GABPB1: variants seen among roughly 807,000 people sequenced by gnomAD.
The protein encoded by GABPB1 is GA-binding protein subunit beta-1.
Under a neutral mutation model 45.9 loss-of-function variants are expected in GABPB1, and 15 were observed. The observed-to-expected ratio is 0.33, with a 90% CI of 0.22 to 0.50. The LOEUF is 0.50. Among genes scored for constraint, GABPB1 ranks in the 20% least tolerant of loss-of-function variants. GABPB1 has a pLI of 0.98. For missense variants in GABPB1, 252 were observed against 457.5 expected, an observed-to-expected ratio of 0.55 and a Z score of 4.10; for synonymous variants, 143 against 154.4, an observed-to-expected ratio of 0.93 and a Z score of 0.55.
rs1339327948 is a variant in GABPB1, at chr15:50,309,759, C to A, written c.40G>T (p.Ala14Ser). ...ACTTCATCATCTTGACCTGCTCGTG[C>A]CGCTTCTAAAAGCTTCTTTCCCAAA... ...VDLGKKLLEA[A>S]RAGQDDEVRI... Residue 14 changes from alanine to serine, a missense_variant, in exon 2 of 9, where the codon GCA becomes TCA. Physicochemically the swap from Ala to Ser is moderately conservative, Grantham distance 99 (BLOSUM62 1). Transcript: ENST00000380877. 1 of 1,613,354 alleles carries A rather than the reference C, an allele frequency of 6.2e-7. No homozygotes were observed. The highest frequency in any genetic ancestry group is 1.3e-5 in the African/African-American group (1 of 74,904).
intron 1 of GABPB1, among the ~76,000 whole-genome samples, chr15:50,313,205 T>C (rs1419472104): frequency 6.6e-6 from 1 of 152,108 alleles, no homozygotes; most frequent in Non-Finnish European, 1.5e-5. Context: ...AACACATCAA[T>C]AGTTAAAAGA....
chr15:50,294,764 G>T (rs2046456615), intron 6 of GABPB1, among the ~76,000 whole-genome samples: 1 of 152,098 alleles, frequency 6.6e-6, no homozygotes, highest in South Asian at 2.1e-4. Flanking sequence ...GGGAGAAAAA[G>T]AAGGAACTTT....
At chr15:50,352,800 AAAC>A (rs1456810401) in intron 1 of GABPB1, 1 of 152,244 alleles carries the variant, frequency 6.6e-6, no homozygotes, top group Non-Finnish European at 1.5e-5. Flanking sequence ...CAGTTCACAG[AAAC>A]AACTGGAAAC....
At chr15:50,307,341 T>C (rs1415228565) in intron 2 of GABPB1, among the ~76,000 whole-genome samples, 1 of 152,220 alleles carries the variant, frequency 6.6e-6, no homozygotes, top group Admixed American at 6.5e-5. Context: ...TTGATCAAAC[T>C]TTCTCCTTGG....
At position 50,320,051 on chromosome 15, in the gene GABPB1, AG is replaced by A. The variant is rs545172066; in HGVS notation, c.1-10254del. On this transcript the variant is annotated intron_variant, in intron 1 of 8. Transcript: ENST00000380877. Reference sequence around the variant, plus strand: ...CTTCTTTTTAAACAAAAACACACAAAGGGGTCAGGCGGGTGGGCAAAAATAA... The same window carrying A: ...CTTCTTTTTAAACAAAAACACACAAAGGGTCAGGCGGGTGGGCAAAAATAA... Among the ~76,000 whole-genome samples the A allele has an allele frequency of 4.6e-4, 70 of 152,316 alleles. 1 individual carries two copies. The South Asian group carries it at 7.2e-3, about 16-fold the overall frequency.
intron 1 of GABPB1, among the ~76,000 whole-genome samples, chr15:50,322,099 G>A (rs1379134361): frequency 6.6e-6 from 1 of 152,062 alleles, no homozygotes; most frequent in African/African-American, 2.4e-5. Flanking sequence ...TCTTGGACCT[G>A]CCCAGTTAGC....
chr15:50,340,524 C>A (rs1444465777), intron 1 of GABPB1, among the ~76,000 whole-genome samples: 2 of 137,638 alleles, frequency 1.5e-5, no homozygotes, highest in Non-Finnish European at 3.0e-5. Flanking sequence ...TCATGAGTAT[C>A]CTTCCAGTAT....
chr15:50,312,697 T>C, intron 1 of GABPB1, among the ~76,000 whole-genome samples: 1 of 152,320 alleles, frequency 6.6e-6, no homozygotes, highest in East Asian at 1.9e-4. Flanking sequence ...TACGATGAAA[T>C]TTATCTTTCC....
intron 1 of GABPB1, among the ~76,000 whole-genome samples, chr15:50,335,914 A>AG (rs1406696455): frequency 1.7e-3 from 244 of 146,640 alleles, no homozygotes; most frequent in African/African-American, 5.2e-3. Context: ...AAAAAAAAAA[A>AG]AAAGAAGACT....
intron 2 of GABPB1, among the ~76,000 whole-genome samples, chr15:50,304,738 G>C (rs1259841612): frequency 6.6e-6 from 1 of 150,744 alleles, no homozygotes; most frequent in Non-Finnish European, 1.5e-5. Flanking sequence ...AAAGAAATCA[G>C]AGATAGAGTT....
chr15:50,276,051 A>G lies in GABPB1; in HGVS notation c.*2581T>C, dbSNP rs1386663981. The G allele has an allele frequency of 1.3e-5, 2 of 152,240 alleles. No individual in the cohort carries two copies. The highest frequency in any genetic ancestry group is 1.5e-5 in the Non-Finnish European group (1 of 68,048). The allele number at this position is 152,240 out of a possible 1,614,324, so 9.4% of individuals were successfully genotyped here. A position where few individuals can be genotyped will look rare whatever the true frequency, so the allele number is the denominator to read the frequency against. Reference sequence around the variant, plus strand: ...AGGAAAGAAAATAATTCATTACACCATAACACTAAATGGCTTGTCTTGCAG... The same window carrying G: ...AGGAAAGAAAATAATTCATTACACCGTAACACTAAATGGCTTGTCTTGCAG... On this transcript the variant is annotated 3_prime_UTR_variant, in exon 9 of 9. Transcript: ENST00000380877.
At chr15:50,279,489 T>C (rs1333274173) in intron 8 of GABPB1, among the ~76,000 whole-genome samples, 1 of 152,168 alleles carries the variant, frequency 6.6e-6, no homozygotes, top group Non-Finnish European at 1.5e-5. Flanking sequence ...TTAAATTATA[T>C]AGGTATAAAA....
Position 50,353,158 on chromosome 15 carries a change from C to T in GABPB1, c.-1+1827G>A, listed in dbSNP as rs1371661530. The T allele has an allele frequency of 2.0e-5, 3 of 152,274 alleles. No individual in the cohort carries two copies. The East Asian group carries it at 5.8e-4, about 29-fold the overall frequency. The allele number at this position is 152,274 out of a possible 1,614,324, so 9.4% of individuals were successfully genotyped here. On this transcript the variant is annotated intron_variant, in intron 1 of 8. Transcript: ENST00000380877. ...GTAATAGAATTAAATGTTTTAATCACTTAAGAATATCTTCGAATGTTCCTG... is the reference window on the plus strand; with the variant it reads ...GTAATAGAATTAAATGTTTTAATCATTTAAGAATATCTTCGAATGTTCCTG...
chr15:50,294,048 T>G (rs938107520), intron 6 of GABPB1, among the ~76,000 whole-genome samples: 2 of 152,060 alleles, frequency 1.3e-5, no homozygotes, highest in African/African-American at 4.8e-5. Context: ...AAAAGTCAAG[T>G]TGTAATATTT....
chr15:50,345,951 T>C (rs1026846501), intron 1 of GABPB1, among the ~76,000 whole-genome samples: 3 of 152,120 alleles, frequency 2.0e-5, no homozygotes, highest in Non-Finnish European at 4.4e-5. Flanking sequence ...GACCTCGTGA[T>C]CCACCCGCCC....
chr15:50,340,963 T>TG (rs1352944216), intron 1 of GABPB1, among the ~76,000 whole-genome samples: 1 of 142,792 alleles, frequency 7.0e-6, no homozygotes, highest in African/African-American at 2.6e-5. Flanking sequence ...ATATTACATA[T>TG]TACATATGGT....
chr15:50,300,865 A>C lies in GABPB1; in HGVS notation c.621T>G (p.Ser207=), dbSNP rs1189134999. The change falls in exon 6 of 9, where the codon TCT becomes TCG. Residue 207 remains serine, a synonymous_variant. Transcript: ENST00000380877. ...CTAATGTAGCTAATACTGATGTAGA[A>C]GAGTTTCCAAACTGAACAGCAGATA... The part of the protein sequence containing the change: ...TGVSAVQFGN[S]STSVLATLAA... 1.9e-6 allele frequency: 3 copies of C among 1,612,434 alleles called. No individual in the cohort carries two copies. The highest frequency in any genetic ancestry group is 2.5e-6 in the Non-Finnish European group (3 of 1,178,544).
intron 7 of GABPB1, among the ~76,000 whole-genome samples, chr15:50,287,867 A>G (rs763694037): frequency 6.6e-5 from 10 of 152,208 alleles, no homozygotes; most frequent in Non-Finnish European, 8.8e-5. Context: ...TCCAGGCTTC[A>G]GAGGTCAAGG....
At chr15:50,341,562 T>C (rs1177874264) in intron 1 of GABPB1, among the ~76,000 whole-genome samples, 1 of 152,024 alleles carries the variant, frequency 6.6e-6, no homozygotes. Flanking sequence ...ATTTAAACAG[T>C]TGGCTACTCA....
Sources: gnomAD v4.1 joint callset for allele counts (sites outside exome capture counted in the v4.1 genomes callset) on GRCh38, gnomAD v4.1.1 for gene constraint, MANE v1.5 for transcripts, NCBI Gene and HGNC (gene_info 2026-07-23, HGNC 2026-07-21) for gene names.